Variants in CADM2 observed in about 807,000 individuals in gnomAD.
The protein encoded by CADM2 is immunoglobulin superfamily member 4D.
A neutral mutation model predicts 49.8 loss-of-function variants in CADM2; 12 were observed. That is an observed-to-expected ratio of 0.24 (90% CI 0.15 to 0.39). The LOEUF is 0.39. Among genes scored for constraint, CADM2 ranks in the 10% least tolerant of loss-of-function variants. The pLI is 1.00. For missense variants in CADM2, 378 were observed against 492.3 expected (o/e 0.77, Z 2.20); for synonymous variants, 214 against 175.4 (o/e 1.22, Z -1.74).
At chr3:85,755,995 G>C (rs1009475119) in intron 2 of CADM2, among the ~76,000 whole-genome samples, 5 of 152,066 alleles carry the variant, frequency 3.3e-5, no homozygotes, top group Non-Finnish European at 5.9e-5. Context: ...CACTTGGCAA[G>C]CCCCTCCCTT....
rs574026217 is a variant in CADM2 at position 85,942,135 on chromosome 3, T to G, written c.791+6278T>G. ...CCCAGTGTTTTTTAGCATTGATGTTTTTCACAATAACTCAATAAAGTTGGC... is the reference window on the plus strand; with the variant it reads ...CCCAGTGTTTTTTAGCATTGATGTTGTTCACAATAACTCAATAAAGTTGGC... On this transcript the variant is annotated intron_variant, in intron 7 of 9. Transcript: ENST00000383699. Among the ~76,000 whole-genome samples, 494 of 152,102 alleles carry G rather than the reference T, an allele frequency of 3.2e-3. 3 individuals carry two copies. Among genetic ancestry groups the G allele is most frequent in the Non-Finnish European group, 5.4e-3 (367 of 67,986 alleles).
At chr3:86,010,236 A>G (rs1188116460) in intron 8 of CADM2, among the ~76,000 whole-genome samples, 2 of 151,994 alleles carry the variant, frequency 1.3e-5, no homozygotes, top group Non-Finnish European at 2.9e-5. Context: ...AAACTGAAGA[A>G]TAACAAAAAT....
At chr3:85,476,278 T>C (rs1030508493) in intron 1 of CADM2, among the ~76,000 whole-genome samples, 7 of 151,932 alleles carry the variant, frequency 4.6e-5, no homozygotes, top group African/African-American at 1.7e-4. Context: ...GGAAGAGACA[T>C]GTAGCACAAT....
intron 1 of CADM2, among the ~76,000 whole-genome samples, chr3:85,432,522 G>T (rs1012205456): frequency 1.3e-5 from 2 of 152,024 alleles, no homozygotes; most frequent in Non-Finnish European, 2.9e-5. Flanking sequence ...ATTCTGAAAG[G>T]CTATGATAAT....
intron 1 of CADM2, among the ~76,000 whole-genome samples, chr3:85,186,895 G>C (rs1423647259): frequency 1.3e-5 from 2 of 152,104 alleles, no homozygotes; most frequent in Admixed American, 6.6e-5. Flanking sequence ...AGATTCCTTT[G>C]CTTTAATATG....
intron 1 of CADM2, among the ~76,000 whole-genome samples, chr3:85,563,410 GT>G (rs1421005102): frequency 1.6e-4 from 19 of 122,154 alleles, no homozygotes; most frequent in African/African-American, 4.4e-4. Flanking sequence ...TTGTGTGTGT[GT>G]GGGGGGGTGG....
chr3:85,347,953 GC>G (rs1244977262), intron 1 of CADM2, among the ~76,000 whole-genome samples: 1 of 151,802 alleles, frequency 6.6e-6, no homozygotes, highest in Non-Finnish European at 1.5e-5. Context: ...GACTACAGGC[GC>G]CCACCACTGC....
intron 3 of CADM2, among the ~76,000 whole-genome samples, chr3:85,873,234 A>G (rs1225312441): frequency 6.6e-6 from 1 of 152,236 alleles, no homozygotes; most frequent in Non-Finnish European, 1.5e-5. Flanking sequence ...TTCAAACCAT[A>G]GCATTAACAA....
At chr3:85,459,193 C>CAATCAA (rs2107585188) in intron 1 of CADM2, among the ~76,000 whole-genome samples, 1 of 152,186 alleles carries the variant, frequency 6.6e-6, no homozygotes, top group South Asian at 2.1e-4. Context: ...TGAGATTCTC[C>CAATCAA]CCATCTTTCT....
chr3:85,772,935 G>A (rs2107960567), intron 2 of CADM2, among the ~76,000 whole-genome samples: 1 of 143,026 alleles, frequency 7.0e-6, no homozygotes, highest in East Asian at 2.0e-4. Context: ...TTTGATTCTA[G>A]CTAAAAATGT....
intron 1 of CADM2, among the ~76,000 whole-genome samples, chr3:85,022,783 A>C (rs999801453): frequency 4.6e-5 from 7 of 152,124 alleles, no homozygotes; most frequent in Non-Finnish European, 1.0e-4. Flanking sequence ...AGACTCAAAA[A>C]TCACTGTAGA....
chr3:85,360,255 A>G (rs2032260545), intron 1 of CADM2, among the ~76,000 whole-genome samples: 1 of 152,170 alleles, frequency 6.6e-6, no homozygotes, highest in Admixed American at 6.5e-5. Context: ...CTTAGGACTT[A>G]TAATACCAGT....
intron 1 of CADM2, among the ~76,000 whole-genome samples, chr3:85,604,718 C>A (rs2063502012): frequency 6.6e-6 from 1 of 151,918 alleles, no homozygotes; most frequent in Non-Finnish European, 1.5e-5. Context: ...TGCCGAGATT[C>A]TACAATTCTT....
intron 8 of CADM2, among the ~76,000 whole-genome samples, chr3:86,006,067 G>A (rs148409018): frequency 3.0e-4 from 45 of 152,256 alleles, no homozygotes; most frequent in African/African-American, 1.1e-3. Context: ...TTTTATGGCT[G>A]AATGGTACTC....
chr3:85,059,188 G>A (rs998270386), intron 1 of CADM2, among the ~76,000 whole-genome samples: 2 of 151,698 alleles, frequency 1.3e-5, no homozygotes, highest in Admixed American at 6.6e-5. Context: ...GCAGTGAGCC[G>A]AGATCGCGCC....
rs537361122 is a variant in CADM2, at chr3:85,854,801, CA to C, written c.239-28483del. Among the ~76,000 whole-genome samples the C allele has an allele frequency of 6.6e-5, 10 of 152,124 alleles. No individual in the cohort carries two copies. The South Asian group carries it at 1.5e-3, about 22-fold the overall frequency. On this transcript the variant is annotated intron_variant, in intron 3 of 9. Transcript: ENST00000383699. ...TAATAAAACAAATTTAAAAACCACACAAAAAAATAATGCGGGTATGTGTGTC... is the reference window on the plus strand; with the variant it reads ...TAATAAAACAAATTTAAAAACCACACAAAAAATAATGCGGGTATGTGTGTC...
At chr3:86,037,150 A>G (rs1371988652) in intron 8 of CADM2, among the ~76,000 whole-genome samples, 1 of 152,036 alleles carries the variant, frequency 6.6e-6, no homozygotes, top group African/African-American at 2.4e-5. Flanking sequence ...TTGCTTTTGC[A>G]TTTTTTTGTA....
At chr3:85,447,919 G>A (rs976955476) in intron 1 of CADM2, among the ~76,000 whole-genome samples, 4 of 152,024 alleles carry the variant, frequency 2.6e-5, no homozygotes, top group African/African-American at 9.7e-5. Context: ...CTAAGACAAA[G>A]CAAAAATTGT....
At chr3:85,568,449 T>TTTCTCTC (rs1327828613) in intron 1 of CADM2, among the ~76,000 whole-genome samples, 8 of 27,752 alleles carry the variant, frequency 2.9e-4, no homozygotes, top group South Asian at 1.3e-3. Context: ...CTTTCTTTCT[T>TTTCTCTC]TCTTTCTTTC....
Sources: gnomAD v4.1 joint callset for allele counts (sites outside exome capture counted in the v4.1 genomes callset) on GRCh38, gnomAD v4.1.1 for gene constraint, MANE v1.5 for transcripts, NCBI Gene and HGNC (gene_info 2026-07-23, HGNC 2026-07-21) for gene names.